Variants in PDXDC1 observed in about 807,000 individuals in gnomAD.
PDXDC1 encodes the protein pyridoxal-dependent decarboxylase domain-containing protein 1.
Under a neutral mutation model 100.1 loss-of-function variants are expected in PDXDC1, and 42 were observed. The observed-to-expected ratio is 0.42, with a 90% CI of 0.33 to 0.54. The LOEUF (loss-of-function observed/expected upper bound fraction) is 0.54. Among genes scored for constraint, PDXDC1 ranks in the 20% least tolerant of loss-of-function variants. The probability of loss-of-function intolerance (pLI) is 0.10; values close to 1 mark genes in which losing one functional copy is unlikely to be tolerated. For missense variants in PDXDC1, 636 were observed against 979.2 expected (o/e 0.65, Z 4.68); for synonymous variants, 260 against 371.7 (o/e 0.70, Z 3.46).
intron 16 of PDXDC1, among the ~76,000 whole-genome samples, chr16:15,092,014 TA>T (rs1039579793): frequency 6.6e-6 from 1 of 151,794 alleles, no homozygotes; most frequent in South Asian, 2.1e-4. Flanking sequence ...CTGCCTCTAC[TA>T]AAAAAATAAA....
chr16:15,044,458 G>T, intron 16 of PDXDC1: 1 of 1,169,408 alleles, frequency 8.6e-7, no homozygotes, highest in Non-Finnish European at 1.3e-6. Flanking sequence ...ACCGGTGCGT[G>T]CGCTGGTCTC....
chr16:15,112,181 C>G (rs907222956), intron 16 of PDXDC1, among the ~76,000 whole-genome samples: 19 of 149,006 alleles, frequency 1.3e-4, no homozygotes, highest in African/African-American at 3.4e-4. Context: ...AATCCCATCT[C>G]AGATGTGGGT....
chr16:15,031,810 C>T lies in PDXDC1; in HGVS notation c.1475C>T (p.Thr492Met), dbSNP rs371130347. 23 of 1,613,734 alleles carry T rather than the reference C, an allele frequency of 1.4e-5. No homozygotes were observed. The Middle Eastern group carries it at 4.9e-4, about 35-fold the overall frequency. ...AGCAAACTGCCAGTGCTGTGCTGTA[C>T]GCTCCAGTTGCGTGAAGAGTTCAAG... ...IESKLPVLCC[T>M]LQLREEFKQE... The change falls in exon 17 of 23, where the codon ACG becomes ATG. Residue 492 changes from threonine (T) to methionine (M), a missense_variant. Physicochemically the swap from Thr to Met is moderately conservative, Grantham distance 81. This residue lies in a region of PDXDC1 where 452 missense variants were observed against 402.9 expected (regional missense o/e 1.12). Coordinates refer to ENST00000396410, the MANE Select transcript of PDXDC1 (RefSeq NM_015027.4).
chr16:15,104,602 C>G (rs758655632), intron 16 of PDXDC1: 1 of 1,599,136 alleles, frequency 6.3e-7, no homozygotes, highest in Non-Finnish European at 8.5e-7. Context: ...AGACACTCCG[C>G]AGGTGTCTTG....
chr16:15,060,061 G>A (rs1056263894), intron 16 of PDXDC1: 2 of 259,962 alleles, frequency 7.7e-6, no homozygotes, highest in Non-Finnish European at 1.5e-5. Flanking sequence ...ATTGGTATAA[G>A]AACGTAAGTT....
intron 8 of PDXDC1, among the ~76,000 whole-genome samples, chr16:15,014,744 G>T (rs1282731912): frequency 2.0e-5 from 3 of 152,276 alleles, no homozygotes; most frequent in Non-Finnish European, 4.4e-5. Flanking sequence ...GGAAATTTAG[G>T]ACGGTTGGGG....
At chr16:15,034,200 A>G (rs754574100) in intron 19 of PDXDC1, 86 bp from the exon 20 acceptor site, 6 of 1,154,722 alleles carry the variant, frequency 5.2e-6, no homozygotes, top group Admixed American at 2.1e-5. Flanking sequence ...TGCTTTTGAA[A>G]AATTCCCTCA....
chr16:15,093,718 G>A (rs537499384), intron 16 of PDXDC1, among the ~76,000 whole-genome samples: 1 of 152,160 alleles, frequency 6.6e-6, no homozygotes, highest in Non-Finnish European at 1.5e-5. Flanking sequence ...TAAAGACTGC[G>A]AAACAAATAC....
chr16:15,048,049 C>T (rs2044146280), intron 16 of PDXDC1: 1 of 1,613,532 alleles, frequency 6.2e-7, no homozygotes, highest in Non-Finnish European at 8.5e-7. Context: ...ACAGAAGGCC[C>T]TGGGGTCCCA....
chr16:15,068,106 A>G, intron 16 of PDXDC1: 2 of 1,500,150 alleles, frequency 1.3e-6, no homozygotes, highest in African/African-American at 1.4e-5. Flanking sequence ...CTCTTACAAT[A>G]CTAGATAAAC....
Position 15,046,790 on chromosome 16 carries a change from A to T in PDXDC1, c.1399+16734A>T, listed in dbSNP as rs8045951. 9.3e-5 allele frequency among the ~76,000 whole-genome samples: 14 copies of T among 149,746 alleles called. No homozygotes were observed. The East Asian group carries it at 2.6e-3, about 27-fold the overall frequency. ...CTTGGGAGGCTGAGGTCGGAGAATC[A>T]CCTGAGTCCACAAAGTCAAGGCTGC... On this transcript the variant is annotated intron_variant, in intron 16 of 16. Coordinates refer to the PDXDC1 transcript ENST00000535621.
At chr16:15,110,919 A>G in intron 16 of PDXDC1, 1 of 983,326 alleles carries the variant, frequency 1.0e-6, no homozygotes, top group Admixed American at 2.2e-5. Flanking sequence ...TCACGGGGTC[A>G]GGAGTTCAAG....
intron 14 of PDXDC1, among the ~76,000 whole-genome samples, chr16:15,027,513 C>T (rs1231505016): frequency 1.3e-5 from 2 of 152,270 alleles, no homozygotes; most frequent in African/African-American, 2.4e-5. Context: ...CTTGGTGTAC[C>T]GGAAGAATGG....
chr16:15,071,854 T>C (rs1227001648), intron 16 of PDXDC1, among the ~76,000 whole-genome samples: 2 of 152,142 alleles, frequency 1.3e-5, no homozygotes, highest in African/African-American at 4.8e-5. Flanking sequence ...GGAATCCACA[T>C]ATTACAAAAA....
chr16:15,127,818 G>A (rs1221088856), intron 16 of PDXDC1: 2 of 1,562,148 alleles, frequency 1.3e-6, no homozygotes, highest in Non-Finnish European at 1.7e-6. Context: ...CCCATATGGA[G>A]AGCCAGATGT....
intron 16 of PDXDC1, among the ~76,000 whole-genome samples, chr16:15,071,938 G>A (rs1482564206): frequency 6.6e-6 from 1 of 152,114 alleles, no homozygotes; most frequent in Non-Finnish European, 1.5e-5. Context: ...CTCCACATGG[G>A]CACTCCTGTG....
intron 16 of PDXDC1, chr16:15,126,996 G>A (rs1392256060): frequency 3.0e-6 from 1 of 338,202 alleles, no homozygotes; most frequent in Non-Finnish European, 5.8e-6. Context: ...TTGCTATGTT[G>A]CCCAGGCTGG....
At chr16:15,031,365 T>C (rs1160745458) in intron 16 of PDXDC1, among the ~76,000 whole-genome samples, 1 of 152,150 alleles carries the variant, frequency 6.6e-6, no homozygotes. Context: ...ACCACAGTAC[T>C]TCCCTTTCTC....
intron 16 of PDXDC1, chr16:15,065,297 G>T (rs1484509755): frequency 1.9e-6 from 3 of 1,613,780 alleles, no homozygotes. Context: ...TCCTCCAGCG[G>T]TACTCCTAAT....
Sources: allele counts gnomAD v4.1 joint callset (sites outside exome capture counted in the v4.1 genomes callset), GRCh38; gene constraint gnomAD v4.1.1; regional missense constraint gnomAD v4.1.1; transcripts MANE v1.5; gene names NCBI Gene and HGNC (gene_info 2026-07-23, HGNC 2026-07-21).